The following PCID2 variants were observed in gnomAD, a reference collection of about 807,000 sequenced individuals.
The protein encoded by PCID2 is PCI domain-containing protein 2.
PCID2 carries 41 observed loss-of-function variants against 61.3 expected under a neutral mutation model. The ratio of observed to expected loss-of-function variants is 0.67; its 90% CI spans 0.52 to 0.87. The LOEUF is 0.87. Among genes scored for constraint, PCID2 ranks in the 40% least tolerant of loss-of-function variants. The probability of loss-of-function intolerance (pLI) is 0.00; values close to 1 mark genes in which losing one functional copy is unlikely to be tolerated. For missense variants in PCID2, 392 were observed against 493.4 expected, an observed-to-expected ratio of 0.79 and a Z score of 1.95; for synonymous variants, 187 against 177.8, an observed-to-expected ratio of 1.05 and a Z score of -0.41.
the PCID2 span, among the ~76,000 whole-genome samples, chr13:113,166,883 G>T: frequency 6.6e-6 from 1 of 152,116 alleles, no homozygotes; most frequent in East Asian, 1.9e-4. Flanking sequence ...TGCGGTTCTA[G>T]TCTGCAACCG....
the PCID2 span, among the ~76,000 whole-genome samples, chr13:113,171,266 T>A: frequency 6.6e-6 from 1 of 152,208 alleles, no homozygotes; most frequent in Non-Finnish European, 1.5e-5. The surrounding 1 kb of genome is among the most constrained non-coding windows in gnomAD (Gnocchi z 5.1). Context: ...AAACCACTTC[T>A]CAACAGCCAA....
chr13:113,197,335 T>C, intron 3 of PCID2, 92 bp from the exon 4 acceptor site: 1 of 869,766 alleles, frequency 1.1e-6, no homozygotes, highest in Non-Finnish European at 1.9e-6. Context: ...CAGGTCCCAG[T>C]GGTCCTGGGA....
intron 7 of PCID2, among the ~76,000 whole-genome samples, chr13:113,189,635 T>C (rs1362649446): frequency 2.0e-5 from 3 of 151,366 alleles, no homozygotes; most frequent in African/African-American, 7.3e-5. Context: ...AGACGGAAAG[T>C]TGAGAATTTA....
intron 7 of PCID2, among the ~76,000 whole-genome samples, chr13:113,189,568 T>C (rs1375403561): frequency 3.3e-5 from 5 of 152,154 alleles, no homozygotes; most frequent in African/African-American, 1.2e-4. Context: ...TGTGATTATA[T>C]AATTGGTGAA....
At chr13:113,191,091 C>T in intron 6 of PCID2, 116 bp from the exon 7 acceptor site, 1 of 576,870 alleles carries the variant, frequency 1.7e-6, no homozygotes, top group South Asian at 2.8e-5. Flanking sequence ...CTCCTGGGCT[C>T]CACTGATCTT....
chr13:113,189,954 C>T (rs2038461801), intron 7 of PCID2, among the ~76,000 whole-genome samples: 2 of 151,386 alleles, frequency 1.3e-5, no homozygotes, highest in South Asian at 4.2e-4. Context: ...ACCCAGGAGG[C>T]GGAGGTTGCA....
At chr13:113,165,931 CAGCA>C in the PCID2 span, among the ~76,000 whole-genome samples, 1 of 152,242 alleles carries the variant, frequency 6.6e-6, no homozygotes, top group Non-Finnish European at 1.5e-5. Context: ...GGCTAATTCC[CAGCA>C]CCTCATTCTG....
intron 13 of PCID2, 115 bp from the exon 14 acceptor site, chr13:113,178,402 C>G: frequency 1.4e-6 from 1 of 698,974 alleles, no homozygotes. Context: ...CGGCACAGTT[C>G]AGTTCAGCGG....
chr13:113,166,707 A>C, the PCID2 span, among the ~76,000 whole-genome samples: 3 of 152,210 alleles, frequency 2.0e-5, no homozygotes, highest in Non-Finnish European at 4.4e-5. Context: ...TTCCTGCCCA[A>C]GCTTTCTAAG....
intron 1 of PCID2, among the ~76,000 whole-genome samples, chr13:113,203,566 T>A (rs557706089): frequency 6.6e-6 from 1 of 152,290 alleles, no homozygotes; most frequent in Admixed American, 6.5e-5. Context: ...CATTTGCCAA[T>A]CATCATCAAG....
At chr13:113,189,551 A>G (rs1388239489) in intron 7 of PCID2, among the ~76,000 whole-genome samples, 1 of 152,326 alleles carries the variant, frequency 6.6e-6, no homozygotes, top group East Asian at 1.9e-4. Flanking sequence ...TAAATCTCAT[A>G]AATAAATGTG....
chr13:113,184,160 G>A (rs1487897239), intron 9 of PCID2, 186 bp downstream of exon 9: 1 of 430,128 alleles, frequency 2.3e-6, no homozygotes, highest in Non-Finnish European at 3.1e-6. Context: ...CAGAGACCCA[G>A]TATGGATTAA....
chr13:113,204,024 C>A (rs1009078350), intron 1 of PCID2, among the ~76,000 whole-genome samples: 1 of 152,240 alleles, frequency 6.6e-6, no homozygotes, highest in Non-Finnish European at 1.5e-5. Flanking sequence ...GGCTAGAAAG[C>A]GGTTCTGGAG....
At chr13:113,188,098 G>C (rs1004226829) in intron 7 of PCID2, 2 of 152,252 alleles carry the variant, frequency 1.3e-5, no homozygotes, top group Admixed American at 1.3e-4. Flanking sequence ...AGTCTGCTAT[G>C]AATGTTTATA....
At chr13:113,208,521 G>A (rs970681816) in intron 1 of PCID2, 78 bp downstream of exon 1, 522 of 1,565,494 alleles carry the variant, frequency 3.3e-4, no homozygotes, top group Non-Finnish European at 4.2e-4. Flanking sequence ...AAAGGCCTGA[G>A]GGTCCAAGGC....
rs1427232990 is a variant in PCID2, at chr13:113,195,130, A to C, written c.309-5T>G. On this transcript the variant is annotated splice_region_variant and splice_polypyrimidine_tract_variant and intron_variant, in intron 5 of 13. Transcript: ENST00000337344. The stretch of plus-strand genomic sequence containing the variant: ...GCATACATGACAGGCAGAGCCCTGC[A>C]GGGCAAAAAAGTAAACAAGTGTGAG... The C allele has an allele frequency of 1.2e-6, 2 of 1,602,946 alleles. No individual in the cohort carries two copies. The highest frequency in any genetic ancestry group is 1.7e-6 in the Non-Finnish European group (2 of 1,169,764).
At chr13:113,194,720 T>G (rs2038878534) in intron 6 of PCID2, among the ~76,000 whole-genome samples, 1 of 152,106 alleles carries the variant, frequency 6.6e-6, no homozygotes, top group Non-Finnish European at 1.5e-5. Context: ...GAAGCTGAAT[T>G]CTTTTTGGTG....
At chr13:113,207,173 A>G (rs1376074832) in intron 1 of PCID2, among the ~76,000 whole-genome samples, 3 of 152,174 alleles carry the variant, frequency 2.0e-5, no homozygotes, top group African/African-American at 4.8e-5. Flanking sequence ...TCATATCCAG[A>G]TGTGTTTGTT....
chr13:113,188,083 T>G (rs1050880842), intron 7 of PCID2: 5 of 152,148 alleles, frequency 3.3e-5, no homozygotes, highest in African/African-American at 1.2e-4. Context: ...GTGAAAGAAA[T>G]GTACAGTCTG....
Sources: gnomAD v4.1 joint callset for allele counts (sites outside exome capture counted in the v4.1 genomes callset) on GRCh38, gnomAD v4.1.1 for gene constraint, Gnocchi (gnomAD v3.1) non-coding constraint, MANE v1.5 for transcripts, NCBI Gene and HGNC (gene_info 2026-07-23, HGNC 2026-07-21) for gene names.